Variants in LIN52 observed in about 807,000 individuals in gnomAD.
The protein encoded by LIN52 is protein lin-52 homolog.
A neutral mutation model predicts 18.5 loss-of-function variants in LIN52; 4 were observed. The observed-to-expected ratio is 0.22, with a 90% CI of 0.11 to 0.49. The LOEUF (loss-of-function observed/expected upper bound fraction) is 0.49. LIN52 is among the 20% of genes least tolerant of loss of function. The pLI, the probability that LIN52 is intolerant of heterozygous loss-of-function variation, is 0.97. For missense variants in LIN52, 102 were observed against 139.5 expected (o/e 0.73, Z 1.35); for synonymous variants, 34 against 45.5 (o/e 0.75, Z 1.02).
chr14:74,100,243 A>G (rs1019171594), intron 4 of LIN52, among the ~76,000 whole-genome samples: 1 of 152,226 alleles, frequency 6.6e-6, no homozygotes, highest in Non-Finnish European at 1.5e-5. Flanking sequence ...TTAATGATGT[A>G]TTCCAAACAA....
rs545709819 is a variant in LIN52 at position 74,146,502 on chromosome 14, C to T, written c.283+45264C>T. On this transcript the variant is annotated intron_variant, in intron 5 of 5. Transcript: ENST00000555028. Reference sequence around the variant, plus strand: ...TGTGCTGTTCAGATTTGTTCCTAAGCAAAATTGCAGATAAACTCCTGTGTT... The same window carrying T: ...TGTGCTGTTCAGATTTGTTCCTAAGTAAAATTGCAGATAAACTCCTGTGTT... 1.2e-3 allele frequency among the ~76,000 whole-genome samples: 176 copies of T among 152,180 alleles called. 1 individual carries two copies. Among genetic ancestry groups the T allele is most frequent in the Non-Finnish European group, 1.4e-3 (98 of 67,992 alleles).
chr14:74,200,446 A>G lies in LIN52; in HGVS notation c.*1469A>G, dbSNP rs1476521486. The G allele has an allele frequency of 6.9e-6, 1 of 145,318 alleles. No homozygotes were observed. The highest frequency in any genetic ancestry group is 7.0e-5 in the Admixed American group (1 of 14,204). The allele number at this position is 145,318 out of a possible 1,614,324, so 9.0% of individuals were successfully genotyped here. ...AAAAAAAAAAAAAAAAAAAAAAAGA[A>G]TATCCCTGTGGCAATAGTCTGATGG... On this transcript the variant is annotated 3_prime_UTR_variant, in exon 6 of 6. Transcript: ENST00000555028.
At chr14:74,135,361 C>A (rs2061091750) in intron 5 of LIN52, among the ~76,000 whole-genome samples, 1 of 152,176 alleles carries the variant, frequency 6.6e-6, no homozygotes, top group Non-Finnish European at 1.5e-5. Flanking sequence ...CCTCACCCAG[C>A]CTCTTTGAGG....
intron 5 of LIN52, among the ~76,000 whole-genome samples, chr14:74,169,045 C>T (rs1236564490): frequency 2.0e-5 from 3 of 152,178 alleles, no homozygotes; most frequent in Non-Finnish European, 4.4e-5. Context: ...CAGAGTGTGA[C>T]TCTTGTCTCA....
intron 5 of LIN52, among the ~76,000 whole-genome samples, chr14:74,110,911 AG>A (rs1193507703): frequency 6.6e-6 from 1 of 151,376 alleles, no homozygotes; most frequent in Non-Finnish European, 1.5e-5. Flanking sequence ...GCTTGCAGTG[AG>A]CCGAGATCGC....
chr14:74,102,228 G>A (rs192139904), intron 5 of LIN52, among the ~76,000 whole-genome samples: 2 of 152,266 alleles, frequency 1.3e-5, no homozygotes, highest in Admixed American at 1.3e-4. Context: ...GGGCGACAGA[G>A]TAAGACTCTG....
chr14:74,099,631 G>GT (rs893694225), intron 4 of LIN52, among the ~76,000 whole-genome samples: 2 of 150,770 alleles, frequency 1.3e-5, no homozygotes, highest in African/African-American at 2.5e-5. Flanking sequence ...AGAGACTGGA[G>GT]TTTTTTTTAT....
At chr14:74,157,056 G>T (rs2061202400) in intron 5 of LIN52, among the ~76,000 whole-genome samples, 2 of 130,172 alleles carry the variant, frequency 1.5e-5, no homozygotes, top group African/African-American at 5.6e-5. Flanking sequence ...TTTTGAGACA[G>T]AATTTCACTC....
At chr14:74,103,752 T>G (rs1379969743) in intron 5 of LIN52, among the ~76,000 whole-genome samples, 2 of 141,062 alleles carry the variant, frequency 1.4e-5, no homozygotes, top group South Asian at 2.3e-4. Context: ...TTTTTTTTTT[T>G]TTTTTTTTTT....
intron 4 of LIN52, among the ~76,000 whole-genome samples, chr14:74,100,315 T>C (rs1236601962): frequency 1.3e-5 from 2 of 152,114 alleles, no homozygotes; most frequent in Admixed American, 1.3e-4. Context: ...TATTTTTTTC[T>C]TTTTTTATTT....
At chr14:74,187,995 G>A (rs2061348001) in intron 5 of LIN52, among the ~76,000 whole-genome samples, 2 of 152,086 alleles carry the variant, frequency 1.3e-5, no homozygotes, top group African/African-American at 4.8e-5. Flanking sequence ...ACGATCATAG[G>A]TTTTCTGTCA....
chr14:74,171,351 T>G (rs889695166), intron 5 of LIN52, among the ~76,000 whole-genome samples: 4 of 148,154 alleles, frequency 2.7e-5, no homozygotes, highest in Non-Finnish European at 3.0e-5. Flanking sequence ...GGTGACAGAG[T>G]GAGAGCCTGT....
chr14:74,097,425 C>CTTTTTTTTTTTTTT, intron 3 of LIN52, among the ~76,000 whole-genome samples: 1 of 133,578 alleles, frequency 7.5e-6, no homozygotes, highest in Non-Finnish European at 1.6e-5. Flanking sequence ...TTTTCTTTTT[C>CTTTTTTTTTTTTTT]TTTTTTTTTT....
chr14:74,149,714 T>C (rs2061168281), intron 5 of LIN52, among the ~76,000 whole-genome samples: 1 of 152,216 alleles, frequency 6.6e-6, no homozygotes, highest in African/African-American at 2.4e-5. Flanking sequence ...AGTTGAAATA[T>C]ATAATATCTT....
intron 5 of LIN52, among the ~76,000 whole-genome samples, chr14:74,110,782 G>A (rs566925209): frequency 6.6e-6 from 1 of 152,052 alleles, no homozygotes; most frequent in Non-Finnish European, 1.5e-5. Flanking sequence ...GGCTAACACA[G>A]TGAAACCCCG....
chr14:74,097,423 T>G (rs988552808), intron 3 of LIN52, among the ~76,000 whole-genome samples: 3 of 123,028 alleles, frequency 2.4e-5, no homozygotes, highest in African/African-American at 9.8e-5. Flanking sequence ...TTTTTTCTTT[T>G]TCTTTTTTTT....
At chr14:74,132,303 T>C (rs949036382) in intron 5 of LIN52, among the ~76,000 whole-genome samples, 1 of 152,186 alleles carries the variant, frequency 6.6e-6, no homozygotes, top group Non-Finnish European at 1.5e-5. Flanking sequence ...AAATGCTCTT[T>C]TGATAAAATA....
chr14:74,198,007 T>C (rs17098217), intron 5 of LIN52, among the ~76,000 whole-genome samples: 7,318 of 152,238 alleles, frequency 0.048, 561 homozygotes, highest in African/African-American at 0.16. Context: ...CCGTGCCTAC[T>C]GCATGGTTCC....
At chr14:74,112,904 G>C (rs958161386) in intron 5 of LIN52, among the ~76,000 whole-genome samples, 6 of 152,132 alleles carry the variant, frequency 3.9e-5, no homozygotes, top group African/African-American at 1.4e-4. Flanking sequence ...CTATATGGAT[G>C]GGGGAGAAGA....
Sources: gnomAD v4.1 joint callset for allele counts (sites outside exome capture counted in the v4.1 genomes callset) on GRCh38, gnomAD v4.1.1 for gene constraint, MANE v1.5 for transcripts, NCBI Gene and HGNC (gene_info 2026-07-23, HGNC 2026-07-21) for gene names.